Variants in JAK1 observed in about 807,000 individuals in gnomAD.
JAK1 encodes the protein tyrosine-protein kinase JAK1.
Under a neutral mutation model 136.6 loss-of-function variants are expected in JAK1, and 16 were observed. That is an observed-to-expected ratio of 0.12 (90% confidence interval 0.08 to 0.18). The LOEUF (loss-of-function observed/expected upper bound fraction) is 0.18, where lower values mean the gene tolerates loss of function less well. Among genes scored for constraint, JAK1 ranks in the 10% least tolerant of loss-of-function variants. JAK1 has a pLI of 1.00. For missense variants in JAK1, 859 were observed against 1,450.1 expected, an observed-to-expected ratio of 0.59 and a Z score of 6.62; for synonymous variants, 492 against 519.5, an observed-to-expected ratio of 0.95 and a Z score of 0.72.
At chr1:64,848,810 C>T (rs1009420633) in intron 12 of JAK1, among the ~76,000 whole-genome samples, 1 of 152,166 alleles carries the variant, frequency 6.6e-6, no homozygotes, top group African/African-American at 2.4e-5. Flanking sequence ...CCTAGGGAAT[C>T]AGTCTTATCC....
intron 1 of JAK1, among the ~76,000 whole-genome samples, chr1:64,927,822 T>C (rs1443283172): frequency 1.3e-5 from 2 of 152,182 alleles, no homozygotes; most frequent in Admixed American, 6.5e-5. Context: ...GGCTGGAAGA[T>C]AGCAGGTAGA....
chr1:64,843,477 A>G (rs1655036746), intron 17 of JAK1, among the ~76,000 whole-genome samples: 1 of 152,198 alleles, frequency 6.6e-6, no homozygotes, highest in Admixed American at 6.5e-5. Context: ...AAGTGGGGCT[A>G]CCTGAGTCTC....
At chr1:64,892,861 G>A (rs572475635) in intron 1 of JAK1, among the ~76,000 whole-genome samples, 3 of 152,268 alleles carry the variant, frequency 2.0e-5, no homozygotes, top group South Asian at 4.1e-4. Context: ...CAAGGTGTGG[G>A]ACTTCAGGGG....
chr1:64,994,327 C>T (rs1272948261), intron 2 of JAK1, among the ~76,000 whole-genome samples: 3 of 152,216 alleles, frequency 2.0e-5, no homozygotes, highest in Admixed American at 6.5e-5. Flanking sequence ...ACTGTTGCAG[C>T]CCCCAGCGCC....
intron 2 of JAK1, among the ~76,000 whole-genome samples, chr1:65,007,861 T>G (rs1039255468): frequency 6.6e-6 from 1 of 152,092 alleles, no homozygotes; most frequent in Non-Finnish European, 1.5e-5. Flanking sequence ...TTCTCCTGCC[T>G]CAGCCTCCTG....
chr1:64,906,841 CA>C (rs1645197463), intron 1 of JAK1, among the ~76,000 whole-genome samples: 1 of 152,078 alleles, frequency 6.6e-6, no homozygotes, highest in Admixed American at 6.5e-5. Flanking sequence ...TCTGCTATTC[CA>C]CACTACCTCT....
At chr1:65,042,583 T>C (rs1647144644) in intron 2 of JAK1, among the ~76,000 whole-genome samples, 1 of 152,216 alleles carries the variant, frequency 6.6e-6, no homozygotes, top group Non-Finnish European at 1.5e-5. Context: ...TCCTGGCCAC[T>C]GAATTTTCTC....
chr1:64,867,908 T>G (rs1656804207), intron 6 of JAK1, among the ~76,000 whole-genome samples: 1 of 152,044 alleles, frequency 6.6e-6, no homozygotes, highest in Middle Eastern at 3.2e-3. Flanking sequence ...GAGAATCGCT[T>G]GAACCTGGGA....
chr1:65,002,142 A>C (rs1352959342), intron 2 of JAK1, among the ~76,000 whole-genome samples: 1 of 152,186 alleles, frequency 6.6e-6, no homozygotes, highest in East Asian at 1.9e-4. Flanking sequence ...TGTATACACA[A>C]ACACACACAC....
chr1:64,984,830 A>AGAAGG lies in JAK1; in HGVS notation c.-78+59645_-78+59649dup, dbSNP rs1202353024. ...CGTAGGCTCCTAAATAGTAAGCAGCAGAAGGGAAAAGCAATCTGACTAGGA... is the reference window on the plus strand; with the variant it reads ...CGTAGGCTCCTAAATAGTAAGCAGCAGAAGGGAAGGGAAAAGCAATCTGACTAGGA... On this transcript the variant is annotated intron_variant, in intron 2 of 25. Transcript: ENST00000671954. This position sits in a 1 kb window ranked among gnomAD's most constrained non-coding sequence, Gnocchi z 4.1. The AGAAGG allele has an allele frequency of 8.8e-7, 1 of 1,138,920 alleles. No individual in the cohort carries two copies. Among genetic ancestry groups the AGAAGG allele is most frequent in the African/African-American group, 1.5e-5 (1 of 65,340 alleles). 70.6% of individuals were successfully genotyped at this position (1,138,920 alleles called of 1,614,324 possible). A position where few individuals can be genotyped will look rare whatever the true frequency, so the allele number is the denominator to read the frequency against.
intron 1 of JAK1, among the ~76,000 whole-genome samples, chr1:65,063,836 GA>G (rs1647926239): frequency 6.9e-6 from 1 of 145,336 alleles, no homozygotes; most frequent in East Asian, 2.0e-4. Context: ...AAGAAAAAAA[GA>G]AAAGAAATTA....
At position 64,928,778 on chromosome 1, in the gene JAK1, C is replaced by CAAAAAAAAAAA. The variant is rs1183218798; in HGVS notation, c.-78+37544_-78+37554dup. On this transcript the variant is annotated intron_variant, in intron 1 of 24. Coordinates refer to ENST00000342505, the MANE Select transcript of JAK1 (RefSeq NM_002227.4). ...AGGTTCTGAGTGCTATAAAACTCTGCAAAAAAAAAAAAAAAAAACAAAAAA... is the reference window on the plus strand; with the variant it reads ...AGGTTCTGAGTGCTATAAAACTCTGCAAAAAAAAAAAAAAAAAAAAAAAAAAAAACAAAAAA... 2.5e-3 allele frequency among the ~76,000 whole-genome samples: 152 copies of CAAAAAAAAAAA among 61,032 alleles called. 1 individual carries two copies. Among genetic ancestry groups the CAAAAAAAAAAA allele is most frequent in the Non-Finnish European group, 3.5e-3 (110 of 31,778 alleles). The allele number at this position is 61,032 out of a possible 152,430, so 40.0% of individuals were successfully genotyped here. A position where few individuals can be genotyped will look rare whatever the true frequency, so the allele number is the denominator to read the frequency against.
intron 8 of JAK1, among the ~76,000 whole-genome samples, chr1:64,861,359 C>T (rs1570656605): frequency 6.6e-6 from 1 of 152,206 alleles, no homozygotes; most frequent in East Asian, 1.9e-4. Context: ...GAGGCAAAGG[C>T]ACCTGTGGAG....
At chr1:64,955,939 T>C (rs1168644519) in intron 1 of JAK1, among the ~76,000 whole-genome samples, 1 of 152,264 alleles carries the variant, frequency 6.6e-6, no homozygotes, top group Non-Finnish European at 1.5e-5. Flanking sequence ...GAGCCAAATC[T>C]GGCCTGCCGC....
intron 2 of JAK1, among the ~76,000 whole-genome samples, chr1:65,005,198 G>A (rs915121815): frequency 2.6e-5 from 4 of 152,138 alleles, no homozygotes; most frequent in African/African-American, 9.7e-5. Flanking sequence ...ACAAAAATTA[G>A]CAGGGCATGG....
At chr1:64,836,032 C>A in intron 23 of JAK1, 66 bp downstream of exon 23, 2 of 837,084 alleles carry the variant, frequency 2.4e-6, no homozygotes, top group South Asian at 3.1e-5. Flanking sequence ...AAAAGTTAAC[C>A]AAGCAGAGGG....
upstream of JAK1, among the ~76,000 whole-genome samples, chr1:64,968,690 G>T (rs541456173): frequency 1.3e-5 from 2 of 152,312 alleles, no homozygotes; most frequent in African/African-American, 4.8e-5. Flanking sequence ...CCAGCACTTT[G>T]GGAGGCCGAG....
intron 1 of JAK1, among the ~76,000 whole-genome samples, chr1:64,916,954 T>C (rs1246080154): frequency 6.6e-6 from 1 of 151,802 alleles, no homozygotes. Flanking sequence ...TCTGAATTCC[T>C]AAAGAAAAGA....
At chr1:64,891,631 CACCGAAAATG>C (rs1226408926) in intron 1 of JAK1, among the ~76,000 whole-genome samples, 1 of 152,160 alleles carries the variant, frequency 6.6e-6, no homozygotes, top group East Asian at 1.9e-4. Flanking sequence ...CCCATAGAGC[CACCGAAAATG>C]ACTTGTATCT....
Sources: allele counts gnomAD v4.1 joint callset (sites outside exome capture counted in the v4.1 genomes callset), GRCh38; gene constraint gnomAD v4.1.1; non-coding constraint Gnocchi (gnomAD v3.1); transcripts MANE v1.5; gene names NCBI Gene and HGNC (gene_info 2026-07-23, HGNC 2026-07-21).